Variants in FAM210A observed in about 807,000 individuals in gnomAD.
FAM210A encodes mitochondrial inner membrane scaffold 1, also known as family with sequence similarity 210 member A.
Under a neutral mutation model 25.3 loss-of-function variants are expected in FAM210A, and 13 were observed. That is an observed-to-expected ratio of 0.51 (90% CI 0.33 to 0.82). The LOEUF (loss-of-function observed/expected upper bound fraction) is 0.82. Among genes scored for constraint, FAM210A ranks in the 40% least tolerant of loss-of-function variants. The pLI is 0.02. For synonymous variants in FAM210A, 125 were observed against 118.7 expected (o/e 1.05, Z -0.35); for missense variants, 319 against 323.2 (o/e 0.99, Z 0.10).
chr18:13,686,409 A>G (rs933164234), intron 1 of FAM210A, among the ~76,000 whole-genome samples: 3 of 152,240 alleles, frequency 2.0e-5, no homozygotes, highest in African/African-American at 4.8e-5. Context: ...CGTATAGCCA[A>G]TAACTCAATG....
rs1247751443 is a variant in FAM210A at position 13,665,411 on chromosome 18, A to G, written c.*1069T>C. On this transcript the variant is annotated 3_prime_UTR_variant, in exon 4 of 4. Coordinates refer to ENST00000651643, the MANE Select transcript of FAM210A (RefSeq NM_152352.4). ...AAAAAAAAAAAAAAAAAAAAAATCA[A>G]GTAGAATGCTCAAACAAGGATATTT... 3.3e-5 allele frequency: 5 copies of G among 149,360 alleles called. No homozygotes were observed. Among genetic ancestry groups the G allele is most frequent in the Non-Finnish European group, 5.9e-5 (4 of 67,270 alleles). The allele number at this position is 149,360 out of a possible 1,614,324, so 9.3% of individuals were successfully genotyped here.
intron 1 of FAM210A, among the ~76,000 whole-genome samples, chr18:13,720,079 C>T (rs189373344): frequency 6.6e-4 from 100 of 152,244 alleles, no homozygotes; most frequent in African/African-American, 2.2e-3. Context: ...TGGTGGCCCA[C>T]GGTTAAGCGT....
intron 2 of FAM210A, among the ~76,000 whole-genome samples, chr18:13,676,078 CTTCT>C (rs1250031495): frequency 2.0e-5 from 3 of 150,284 alleles, no homozygotes; most frequent in Admixed American, 6.6e-5. Context: ...GCCGTGGTGA[CTTCT>C]TTATTTCCAG....
At chr18:13,713,725 A>ACACACACACACAC (rs142085013) in intron 1 of FAM210A, among the ~76,000 whole-genome samples, 1 of 141,896 alleles carries the variant, frequency 7.0e-6, no homozygotes. Context: ...GTCACTATAA[A>ACACACACACACAC]ACACACACAC....
intron 1 of FAM210A, among the ~76,000 whole-genome samples, chr18:13,697,356 A>T (rs1325984341): frequency 2.6e-5 from 4 of 152,176 alleles, no homozygotes; most frequent in Non-Finnish European, 5.9e-5. Flanking sequence ...AGAAAATTGC[A>T]AATTAAAAAC....
chr18:13,710,954 C>T (rs1440297434), intron 1 of FAM210A, among the ~76,000 whole-genome samples: 2 of 152,178 alleles, frequency 1.3e-5, no homozygotes, highest in Non-Finnish European at 2.9e-5. Flanking sequence ...AGGAAGAACC[C>T]ACTGGGCAAT....
chr18:13,667,206 T>C (rs778014276), intron 3 of FAM210A, among the ~76,000 whole-genome samples: 1 of 152,234 alleles, frequency 6.6e-6, no homozygotes, highest in Admixed American at 6.5e-5. Context: ...TCCCTTTCCT[T>C]TGACTTTTCT....
chr18:13,717,491 G>A (rs1011324721), intron 1 of FAM210A, among the ~76,000 whole-genome samples: 4 of 152,116 alleles, frequency 2.6e-5, no homozygotes, highest in South Asian at 4.2e-4. Flanking sequence ...TACAAAGCAG[G>A]GTTTGCAGAA....
intron 1 of FAM210A, among the ~76,000 whole-genome samples, chr18:13,683,623 G>A (rs1310879055): frequency 6.8e-6 from 1 of 146,108 alleles, no homozygotes; most frequent in African/African-American, 2.6e-5. Context: ...AGCCTCTCTA[G>A]ACAAAGGTTC....
At chr18:13,673,014 G>T (rs1054380300) in intron 2 of FAM210A, among the ~76,000 whole-genome samples, 1 of 151,712 alleles carries the variant, frequency 6.6e-6, no homozygotes, top group Admixed American at 6.6e-5. Context: ...TTTATTTCCA[G>T]TTTCCTGATT....
intron 2 of FAM210A, among the ~76,000 whole-genome samples, chr18:13,679,403 TAA>T (rs1436429417): frequency 2.0e-5 from 3 of 152,250 alleles, no homozygotes; most frequent in Non-Finnish European, 4.4e-5. Context: ...CTTCAACTTT[TAA>T]ATACAATCAT....
At chr18:13,687,938 C>A (rs1420331345) in intron 1 of FAM210A, 1 of 152,174 alleles carries the variant, frequency 6.6e-6, no homozygotes, top group East Asian at 1.9e-4. Flanking sequence ...CCACTGGTAA[C>A]TTTTGGATAC....
chr18:13,706,983 T>A (rs979842561), intron 1 of FAM210A, among the ~76,000 whole-genome samples: 5 of 152,180 alleles, frequency 3.3e-5, no homozygotes, highest in African/African-American at 1.2e-4. Context: ...CTTGGTACTA[T>A]CCTCCCGACA....
At chr18:13,721,839 A>G (rs1309311095) in intron 1 of FAM210A, among the ~76,000 whole-genome samples, 4 of 152,190 alleles carry the variant, frequency 2.6e-5, no homozygotes, top group Non-Finnish European at 5.9e-5. Flanking sequence ...TTCAGACTTA[A>G]GAGTTCAGTA....
intron 1 of FAM210A, among the ~76,000 whole-genome samples, chr18:13,710,948 A>G (rs1438913883): frequency 6.6e-6 from 1 of 152,254 alleles, no homozygotes; most frequent in African/African-American, 2.4e-5. Flanking sequence ...GTGGGCAGGA[A>G]GAACCCACTG....
chr18:13,666,589 T>A lies in FAM210A; in HGVS notation c.710A>T (p.Glu237Val). 5 of 1,614,218 alleles carry A rather than the reference T, an allele frequency of 3.1e-6. No homozygotes were observed. Among genetic ancestry groups the A allele is most frequent in the Non-Finnish European group, 4.2e-6 (5 of 1,180,040 alleles). ...PVKEYLQDRM[E>V]ETKELITEKM... is the part of the protein sequence containing the mutation. ...CTCTGTGATAAGCTCCTTTGTCTCT[T>A]CCATCCTGTCCTGCAGATACTCCTT... The change falls in exon 4 of 4, where the codon GAA (glutamate) becomes GTA (valine). Residue 237 changes from glutamate to valine, a missense_variant. Physicochemically the swap from Glu to Val is moderately radical, Grantham distance 121. Transcript: ENST00000651643.
chr18:13,719,743 ACT>A (rs2043885144), intron 1 of FAM210A, among the ~76,000 whole-genome samples: 1 of 151,036 alleles, frequency 6.6e-6, no homozygotes, highest in South Asian at 2.1e-4. Context: ...AAAAAAAATC[ACT>A]CTATTTTTTC....
intron 2 of FAM210A, among the ~76,000 whole-genome samples, chr18:13,680,731 A>G (rs1341114976): frequency 6.6e-6 from 1 of 152,230 alleles, no homozygotes; most frequent in Non-Finnish European, 1.5e-5. Flanking sequence ...ACCAATTAGG[A>G]GAGTTTACTG....
intron 1 of FAM210A, among the ~76,000 whole-genome samples, chr18:13,726,015 G>C (rs1434313960): frequency 6.6e-6 from 1 of 152,210 alleles, no homozygotes; most frequent in Non-Finnish European, 1.5e-5. Flanking sequence ...TCTTCAACTG[G>C]CTTCGGAAGA....
Sources: gnomAD v4.1 joint callset for allele counts (sites outside exome capture counted in the v4.1 genomes callset) on GRCh38, gnomAD v4.1.1 for gene constraint, MANE v1.5 for transcripts, NCBI Gene and HGNC (gene_info 2026-07-23, HGNC 2026-07-21) for gene names.